Variants in FHOD3 observed in about 807,000 individuals in gnomAD.
The protein encoded by FHOD3 is formin homology 2 domain containing 3.
In FHOD3, 90 loss-of-function variants were observed where a neutral mutation model predicts 173.0. The ratio of observed to expected loss-of-function variants is 0.52; its 90% CI spans 0.44 to 0.62. The LOEUF (loss-of-function observed/expected upper bound fraction) is 0.62. FHOD3 is among the 20% of genes least tolerant of loss of function. The pLI, the probability that FHOD3 is intolerant of heterozygous loss-of-function variation, is 0.00. For synonymous variants in FHOD3, 828 were observed against 823.0 expected (o/e 1.01, Z -0.10); for missense variants, 1,945 against 2,034.7 (o/e 0.96, Z 0.85).
chr18:36,749,557 A>AT (rs111454589), intron 24 of FHOD3, among the ~76,000 whole-genome samples: 1 of 152,128 alleles, frequency 6.6e-6, no homozygotes, highest in South Asian at 2.1e-4. Context: ...TATGTACCAC[A>AT]TTTTTTTATC....
chr18:36,427,286 T>TA (rs35854743), intron 3 of FHOD3, among the ~76,000 whole-genome samples: 24,869 of 79,306 alleles, frequency 0.31, 4,524 homozygotes, highest in East Asian at 0.49. Context: ...CTTGCTTCTC[T>TA]AAAAAAAAAA....
intron 3 of FHOD3, among the ~76,000 whole-genome samples, chr18:36,395,845 A>G (rs1365003480): frequency 6.6e-6 from 1 of 152,210 alleles, no homozygotes; most frequent in East Asian, 1.9e-4. Context: ...AAGAATTAAA[A>G]ATTTCTGTTT....
At chr18:36,413,248 C>T (rs927761690) in intron 3 of FHOD3, among the ~76,000 whole-genome samples, 1 of 152,216 alleles carries the variant, frequency 6.6e-6, no homozygotes, top group African/African-American at 2.4e-5. Flanking sequence ...GTCACAACTC[C>T]TCAGGGGAAC....
At chr18:36,380,651 T>TTTCCTTTCCTTTCCTTTC (rs1266842204) in intron 3 of FHOD3, among the ~76,000 whole-genome samples, 1 of 146,864 alleles carries the variant, frequency 6.8e-6, no homozygotes, top group Non-Finnish European at 1.5e-5. Flanking sequence ...TCTCTGTATC[T>TTTCCTTTCCTTTCCTTTC]CTTTCTTTCT....
chr18:36,406,487 A>C (rs1191592386), intron 3 of FHOD3, among the ~76,000 whole-genome samples: 1 of 151,830 alleles, frequency 6.6e-6, no homozygotes, highest in Non-Finnish European at 1.5e-5. Flanking sequence ...TAGGATTAGG[A>C]GTGGTTGGGG....
At chr18:36,440,654 C>T (rs1247292557) in intron 3 of FHOD3, among the ~76,000 whole-genome samples, 1 of 152,178 alleles carries the variant, frequency 6.6e-6, no homozygotes, top group Non-Finnish European at 1.5e-5. Context: ...TGGTGGAGGC[C>T]AAGCTTTGAA....
intron 3 of FHOD3, among the ~76,000 whole-genome samples, chr18:36,491,784 T>A (rs1365901371): frequency 6.6e-6 from 1 of 151,678 alleles, no homozygotes; most frequent in East Asian, 1.9e-4. Context: ...AAGTTTCTTC[T>A]GTGTCTTTTT....
At chr18:36,484,130 A>G (rs1412828951) in intron 3 of FHOD3, among the ~76,000 whole-genome samples, 1 of 152,264 alleles carries the variant, frequency 6.6e-6, no homozygotes, top group Non-Finnish European at 1.5e-5. Flanking sequence ...TATTTCTGCT[A>G]GACTATTTAA....
At chr18:36,750,170 T>C (rs1232623544) in intron 24 of FHOD3, among the ~76,000 whole-genome samples, 1 of 152,106 alleles carries the variant, frequency 6.6e-6, no homozygotes, top group East Asian at 1.9e-4. Flanking sequence ...GCACCTGTAG[T>C]CCCAGCTACT....
At chr18:36,738,992 G>A (rs913481985) in intron 20 of FHOD3, among the ~76,000 whole-genome samples, 1 of 152,134 alleles carries the variant, frequency 6.6e-6, no homozygotes, top group Non-Finnish European at 1.5e-5. Context: ...TCCCAACCCT[G>A]ATGACCAAAA....
At chr18:36,539,600 A>G (rs538519300) in intron 5 of FHOD3, among the ~76,000 whole-genome samples, 2 of 152,326 alleles carry the variant, frequency 1.3e-5, no homozygotes, top group African/African-American at 4.8e-5. Context: ...GCACCTTTCA[A>G]TGGCAGACCC....
At chr18:36,704,666 G>T (rs2039770599) in intron 17 of FHOD3, among the ~76,000 whole-genome samples, 1 of 152,096 alleles carries the variant, frequency 6.6e-6, no homozygotes, top group African/African-American at 2.4e-5. Context: ...GGCCACCCTG[G>T]CACGGGCCTT....
intron 2 of FHOD3, among the ~76,000 whole-genome samples, chr18:36,363,675 C>T (rs2046746290): frequency 6.6e-6 from 1 of 151,914 alleles, no homozygotes; most frequent in African/African-American, 2.4e-5. Context: ...ACAGGTGGAG[C>T]ACAGGGGATC....
intron 2 of FHOD3, 131 bp downstream of exon 2, chr18:36,355,776 G>A: frequency 1.4e-6 from 1 of 725,358 alleles, no homozygotes; most frequent in Non-Finnish European, 2.3e-6. Flanking sequence ...ACACACGAGG[G>A]AGATGCAAGT....
rs34772691 is a variant in FHOD3, at chr18:36,509,426, CAAAAAAAAAAA to C, written c.406-3007_406-2997del. Among the ~76,000 whole-genome samples, 10 of 54,870 alleles carry C rather than the reference CAAAAAAAAAAA, an allele frequency of 1.8e-4. No individual in the cohort carries two copies. In the South Asian group the frequency reaches 6.3e-3, roughly 35 times the overall value. The allele number at this position is 54,870 out of a possible 152,430, so 36.0% of individuals were successfully genotyped here. ...TAGGCAACAGAGCAAGACTCCATCT[CAAAAAAAAAAA>C]AAAAGAAAAAAAAAAGAAAACAGTA... On this transcript the variant is annotated intron_variant, in intron 4 of 28. Coordinates refer to ENST00000590592, the MANE Select transcript of FHOD3 (RefSeq NM_001281740.3).
At chr18:36,361,729 TGGTTA>T (rs1262057561) in intron 2 of FHOD3, among the ~76,000 whole-genome samples, 1 of 142,508 alleles carries the variant, frequency 7.0e-6, no homozygotes, top group East Asian at 2.0e-4. Context: ...GCTGTCCAGG[TGGTTA>T]GATGTTTGTT....
intron 16 of FHOD3, among the ~76,000 whole-genome samples, chr18:36,692,757 C>T (rs539810547): frequency 3.2e-4 from 49 of 152,336 alleles, no homozygotes; most frequent in African/African-American, 1.2e-3. Context: ...GGCAGGCCTT[C>T]ATCCAAGCAA....
At chr18:36,572,912 A>G (rs537555344) in intron 5 of FHOD3, among the ~76,000 whole-genome samples, 3 of 152,290 alleles carry the variant, frequency 2.0e-5, no homozygotes, top group Admixed American at 2.0e-4. Flanking sequence ...TGGGAAAAGG[A>G]CAGTGGAGCA....
chr18:36,751,528 G>A (rs1184894858), intron 24 of FHOD3, among the ~76,000 whole-genome samples: 1 of 152,206 alleles, frequency 6.6e-6, no homozygotes, highest in Non-Finnish European at 1.5e-5. Context: ...AGTGGTGAGA[G>A]AGGGCATCCG....
Sources: gnomAD v4.1 joint callset for allele counts (sites outside exome capture counted in the v4.1 genomes callset) on GRCh38, gnomAD v4.1.1 for gene constraint, MANE v1.5 for transcripts, NCBI Gene and HGNC (gene_info 2026-07-23, HGNC 2026-07-21) for gene names.